Variants in FAM151B observed in about 807,000 individuals in gnomAD.
FAM151B encodes the protein family with sequence similarity 151 member B, also known as protein FAM151B.
A neutral mutation model predicts 31.2 loss-of-function variants in FAM151B; 24 were observed. That is an observed-to-expected ratio of 0.77 (90% CI 0.56 to 1.08). The LOEUF (loss-of-function observed/expected upper bound fraction) is 1.08. Among genes scored for constraint, FAM151B ranks in the 50% least tolerant of loss-of-function variants. The probability of loss-of-function intolerance (pLI) is 0.00; values close to 1 mark genes in which losing one functional copy is unlikely to be tolerated. For synonymous variants in FAM151B, 105 were observed against 111.4 expected (o/e 0.94, Z 0.36); for missense variants, 293 against 328.6 (o/e 0.89, Z 0.84).
chr5:80,513,350 T>C (rs1265958274), intron 2 of FAM151B, among the ~76,000 whole-genome samples: 1 of 152,220 alleles, frequency 6.6e-6, no homozygotes, highest in Non-Finnish European at 1.5e-5. Flanking sequence ...AAATTCAGAA[T>C]TTGTATGTCA....
chr5:80,509,454 A>G (rs757988463), intron 2 of FAM151B, among the ~76,000 whole-genome samples: 1 of 152,124 alleles, frequency 6.6e-6, no homozygotes, highest in Non-Finnish European at 1.5e-5. Flanking sequence ...AAGTATCAGC[A>G]CTTTGATATT....
chr5:80,536,949 A>G (rs1054446745), intron 5 of FAM151B, among the ~76,000 whole-genome samples: 1 of 152,132 alleles, frequency 6.6e-6, no homozygotes. Flanking sequence ...GCTAATAAGT[A>G]TGAAAAAATA....
intron 4 of FAM151B, among the ~76,000 whole-genome samples, 171 bp from the exon 5 acceptor site, chr5:80,521,832 T>C (rs536099003): frequency 6.6e-6 from 1 of 152,292 alleles, no homozygotes; most frequent in East Asian, 1.9e-4. Context: ...TCCACTTAGT[T>C]TTTTTTCACA....
chr5:80,519,988 A>G lies in FAM151B; in HGVS notation c.535+78A>G, dbSNP rs1580439144. 1.1e-5 allele frequency: 15 copies of G among 1,338,224 alleles called. No homozygotes were observed. The East Asian group carries it at 3.6e-4, about 32-fold the overall frequency. 82.9% of individuals were successfully genotyped at this position (1,338,224 alleles called of 1,614,324 possible). A position where few individuals can be genotyped will look rare whatever the true frequency, so the allele number is the denominator to read the frequency against. On this transcript the variant is annotated intron_variant, in intron 4 of 5. Transcript: ENST00000282226. ...TAAAAATAACATCTTTAATACAAAG[A>G]CCAAAACCCATTCTACAAAATCTAA...
chr5:80,515,863 A>G (rs1341514779), intron 3 of FAM151B, among the ~76,000 whole-genome samples: 2 of 152,192 alleles, frequency 1.3e-5, no homozygotes, highest in Non-Finnish European at 2.9e-5. Context: ...CTTGTCACGT[A>G]GTTGTTAGTG....
chr5:80,519,177 T>G (rs1201292875), intron 3 of FAM151B, among the ~76,000 whole-genome samples: 3 of 152,210 alleles, frequency 2.0e-5, no homozygotes, highest in Non-Finnish European at 4.4e-5. Flanking sequence ...CAGTCATTTT[T>G]AGAATTGTTT....
chr5:80,492,060 G>T (rs1014592707), intron 1 of FAM151B, among the ~76,000 whole-genome samples: 8 of 152,182 alleles, frequency 5.3e-5, no homozygotes, highest in Non-Finnish European at 1.2e-4. Context: ...GAGCACAGAG[G>T]TTTGGAGCAG....
chr5:80,515,196 C>T (rs963344207), intron 3 of FAM151B, among the ~76,000 whole-genome samples: 3 of 151,816 alleles, frequency 2.0e-5, no homozygotes, highest in Non-Finnish European at 4.4e-5. Flanking sequence ...GTTGAGATTG[C>T]GCCACGGCAC....
intron 5 of FAM151B, 123 bp from the exon 6 acceptor site, chr5:80,541,550 G>A: frequency 1.2e-6 from 1 of 853,906 alleles, no homozygotes; most frequent in East Asian, 2.6e-5. Context: ...CACCATTGCT[G>A]ATTAATTTTT....
intron 3 of FAM151B, among the ~76,000 whole-genome samples, chr5:80,515,463 T>A (rs1251190378): frequency 1.3e-5 from 2 of 152,160 alleles, no homozygotes; most frequent in African/African-American, 4.8e-5. Context: ...TGATCTTTAG[T>A]GCTTGATGGC....
intron 5 of FAM151B, among the ~76,000 whole-genome samples, chr5:80,532,507 A>C (rs1745287651): frequency 6.6e-6 from 1 of 152,228 alleles, no homozygotes. Flanking sequence ...TATATAAAGC[A>C]AATATTATTA....
At chr5:80,538,428 CTT>C (rs1456772555) in intron 5 of FAM151B, among the ~76,000 whole-genome samples, 97 of 58,208 alleles carry the variant, frequency 1.7e-3, no homozygotes, top group Middle Eastern at 8.1e-3. Flanking sequence ...TTCTTTCTTT[CTT>C]TCTTTCTTTC....
chr5:80,491,202 CTATTATTATTAT>C (rs60195799), intron 1 of FAM151B, among the ~76,000 whole-genome samples: 1 of 147,640 alleles, frequency 6.8e-6, no homozygotes, highest in Admixed American at 6.8e-5. Context: ...ATATAATACA[CTATTATTATTAT>C]TATTATTATT....
chr5:80,498,076 G>A (rs763452943), intron 1 of FAM151B, among the ~76,000 whole-genome samples: 32 of 152,106 alleles, frequency 2.1e-4, no homozygotes, highest in South Asian at 4.1e-4. Context: ...ATTTTTAACA[G>A]CCACGTTAGT....
At chr5:80,521,338 C>G (rs1317346650) in intron 4 of FAM151B, among the ~76,000 whole-genome samples, 2 of 151,350 alleles carry the variant, frequency 1.3e-5, no homozygotes, top group African/African-American at 4.9e-5. Context: ...GTTGCCCAGG[C>G]TGGTTTCAAA....
At position 80,542,140 on chromosome 5, in the gene FAM151B, C is replaced by G. The variant is rs1489851760; in HGVS notation, c.*308C>G. On this transcript the variant is annotated 3_prime_UTR_variant, in exon 6 of 6. Transcript: ENST00000282226. ...AAGATGATTGGCAGAATCCATATGT[C>G]ATAAAACAGGTATAAATCACATGTG... 6.1e-5 allele frequency: 15 copies of G among 243,942 alleles called. No homozygotes were observed. Among genetic ancestry groups the G allele is most frequent in the Non-Finnish European group, 5.4e-5 (7 of 128,734 alleles). The allele number at this position is 243,942 out of a possible 1,614,324, so 15.1% of individuals were successfully genotyped here. A position where few individuals can be genotyped will look rare whatever the true frequency, so the allele number is the denominator to read the frequency against.
Position 80,528,150 on chromosome 5 carries a change from A to G in FAM151B, c.671+6012A>G, listed in dbSNP as rs185069944. ...TCCCGAATGAGTAGAGTGCTGAAAT[A>G]ATGGTTTATAAGATAGTATTTGCAA... On this transcript the variant is annotated intron_variant, in intron 5 of 5. Transcript: ENST00000282226. 2.7e-4 allele frequency among the ~76,000 whole-genome samples: 41 copies of G among 152,322 alleles called. No individual in the cohort carries two copies. The East Asian group carries it at 5.8e-3, about 21-fold the overall frequency.
At chr5:80,516,256 G>A (rs112581508) in intron 3 of FAM151B, among the ~76,000 whole-genome samples, 2,083 of 152,182 alleles carry the variant, frequency 0.014, 31 homozygotes, top group Middle Eastern at 0.02. Context: ...CCCGGGAAGC[G>A]GAGGTTGCAG....
chr5:80,515,017 A>G (rs1744360273), intron 3 of FAM151B, among the ~76,000 whole-genome samples: 1 of 152,108 alleles, frequency 6.6e-6, no homozygotes, highest in Non-Finnish European at 1.5e-5. Flanking sequence ...AGGCGGGTGG[A>G]TCACCTGAGG....
Sources: allele counts gnomAD v4.1 joint callset (sites outside exome capture counted in the v4.1 genomes callset), GRCh38; gene constraint gnomAD v4.1.1; transcripts MANE v1.5; gene names NCBI Gene and HGNC (gene_info 2026-07-23, HGNC 2026-07-21).